The following LRP6 variants were observed in gnomAD, a reference collection of about 807,000 sequenced individuals.
The protein encoded by LRP6 is low-density lipoprotein receptor-related protein 6.
LRP6 carries 43 observed loss-of-function variants against 184.1 expected under a neutral mutation model. The observed-to-expected ratio is 0.23, with a 90% CI of 0.18 to 0.30. The LOEUF is 0.30. Ranked by LOEUF, LRP6 falls within the 10% of genes least tolerant of loss-of-function variation. The probability of loss-of-function intolerance (pLI) is 1.00; values close to 1 mark genes in which losing one functional copy is unlikely to be tolerated. For missense variants in LRP6, 1,571 were observed against 2,005.3 expected (o/e 0.78, Z 4.14); for synonymous variants, 719 against 684.9 (o/e 1.05, Z -0.78).
At chr12:12,237,339 G>C (rs1328461600) in intron 2 of LRP6, among the ~76,000 whole-genome samples, 1 of 152,172 alleles carries the variant, frequency 6.6e-6, no homozygotes, top group Non-Finnish European at 1.5e-5. Context: ...CGTTAAGGTA[G>C]AAAGCTAATA....
At chr12:12,242,700 C>T (rs1472932174) in intron 2 of LRP6, among the ~76,000 whole-genome samples, 1 of 152,218 alleles carries the variant, frequency 6.6e-6, no homozygotes, top group Non-Finnish European at 1.5e-5. Context: ...AGAGCCACTA[C>T]AATATTTCCT....
intron 12 of LRP6, among the ~76,000 whole-genome samples, chr12:12,152,390 G>A (rs902002347): frequency 2.6e-5 from 4 of 152,088 alleles, no homozygotes; most frequent in East Asian, 1.9e-4. Flanking sequence ...AGGTTCAAGC[G>A]ATTCTCCTGC....
At chr12:12,138,124 T>C (rs1591875173) in intron 16 of LRP6, among the ~76,000 whole-genome samples, 1 of 151,166 alleles carries the variant, frequency 6.6e-6, no homozygotes, top group East Asian at 1.9e-4. Flanking sequence ...TGAGCCAAGA[T>C]CGTGACACTG....
In LRP6 at chr12:12,138,324, C is replaced by T. The variant is rs779534980; in HGVS notation, c.3607+1G>A. The T allele has an allele frequency of 6.2e-7, 1 of 1,611,040 alleles. No individual in the cohort carries two copies. The highest frequency in any genetic ancestry group is 2.2e-5 in the East Asian group (1 of 44,872). ...ATTAGCTTTATCCCATTAACACTTA[C>T]TGTATTCTTGAAGGTTCAGCTCCTT... On this transcript the variant is annotated splice_donor_variant, in intron 16 of 22. Transcript: ENST00000261349. LOFTEE classifies it high-confidence loss of function.
At chr12:12,177,004 C>T (rs1047398396) in intron 7 of LRP6, among the ~76,000 whole-genome samples, 2 of 151,914 alleles carry the variant, frequency 1.3e-5, no homozygotes, top group Non-Finnish European at 2.9e-5. Context: ...CCCGCCACCA[C>T]GCCCAGCTAA....
chr12:12,156,392 A>G (rs909493285), intron 12 of LRP6, among the ~76,000 whole-genome samples: 4 of 152,168 alleles, frequency 2.6e-5, no homozygotes, highest in African/African-American at 9.6e-5. Context: ...AAGAGAGACA[A>G]GAGTAAAAGC....
intron 2 of LRP6, among the ~76,000 whole-genome samples, chr12:12,235,581 T>G (rs895573505): frequency 1.3e-5 from 2 of 151,526 alleles, no homozygotes; most frequent in African/African-American, 4.8e-5. Context: ...AAAAACAAAA[T>G]TAGCCAGGCA....
chr12:12,176,865 T>TA lies in LRP6; in HGVS notation c.1545+2944dup, dbSNP rs1491167408. On this transcript the variant is annotated intron_variant, in intron 7 of 22. Coordinates refer to ENST00000261349, the MANE Select transcript of LRP6 (RefSeq NM_002336.3). ...AAACTTTTTTTTTTTTTTTTTTTTT[T>TA]AGACAGAGTCTTGTTCTTGTCCCCC... is the stretch of plus-strand genomic sequence containing the variant. Among the ~76,000 whole-genome samples, 18 of 106,142 alleles carry TA rather than the reference T, an allele frequency of 1.7e-4. No homozygotes were observed. In the East Asian group the frequency reaches 5.6e-3, roughly 33 times the overall value. The allele number at this position is 106,142 out of a possible 152,430, so 69.6% of individuals were successfully genotyped here.
chr12:12,208,037 G>A (rs950137951), intron 2 of LRP6, among the ~76,000 whole-genome samples: 8 of 152,066 alleles, frequency 5.3e-5, no homozygotes, highest in African/African-American at 1.2e-4. Flanking sequence ...CCCAGGGAGC[G>A]GTCAGAATCC....
Position 12,164,386 on chromosome 12 carries a change from G to C in LRP6, c.1939C>G (p.Leu647Val), listed in dbSNP as rs1862818710. 6.2e-7 allele frequency: 1 copy of C among 1,614,022 alleles called. No homozygotes were observed. The highest frequency in any genetic ancestry group is 1.1e-5 in the South Asian group (1 of 91,074). Reference protein sequence around the residue: ...SRRADIRRISLETNNNNVAIP... With the variant: ...SRRADIRRISVETNNNNVAIP... ...GCCACATTATTATTGTTTGTTTCCA[G>C]AGAAATTCGTCTGATATCTGCTCTC... Residue 647 changes from leucine (L) to valine (V), a missense_variant, in exon 9 of 23, where the codon CTG becomes GTG. Leu to Val is a conservative substitution (Grantham distance 32). Around this residue, in one of 4 missense-constraint regions of LRP6, gnomAD observed 640 missense variants for 851.9 expected, o/e 0.75. Coordinates refer to ENST00000261349, the MANE Select transcript of LRP6 (RefSeq NM_002336.3).
At chr12:12,196,102 A>T (rs764891079) in intron 3 of LRP6, among the ~76,000 whole-genome samples, 1 of 151,986 alleles carries the variant, frequency 6.6e-6, no homozygotes, top group African/African-American at 2.4e-5. Flanking sequence ...ACTTTGTGGT[A>T]TATTTTGAAG....
At chr12:12,210,752 C>T (rs1864187239) in intron 2 of LRP6, 1 of 152,174 alleles carries the variant, frequency 6.6e-6, no homozygotes, top group Non-Finnish European at 1.5e-5. Context: ...AAATCACATA[C>T]ATCATTATCA....
chr12:12,244,893 A>G (rs2135918592), intron 1 of LRP6, among the ~76,000 whole-genome samples: 1 of 152,360 alleles, frequency 6.6e-6, no homozygotes, highest in South Asian at 2.1e-4. Context: ...TCTTGTTAAA[A>G]TAACTCAGAT....
intron 19 of LRP6, 137 bp downstream of exon 19, chr12:12,130,646 C>A (rs1949738682): frequency 1.6e-6 from 1 of 639,646 alleles, no homozygotes; most frequent in East Asian, 2.8e-5. Context: ...CATAAAAAAA[C>A]CTTCACACAA....
intron 15 of LRP6, among the ~76,000 whole-genome samples, chr12:12,141,294 T>C (rs1188985040): frequency 2.0e-5 from 3 of 152,006 alleles, no homozygotes; most frequent in Non-Finnish European, 4.4e-5. Context: ...AAAGAACATG[T>C]TAAAAGCTTC....
At chr12:12,255,547 T>C (rs908046726) in intron 1 of LRP6, among the ~76,000 whole-genome samples, 3 of 151,836 alleles carry the variant, frequency 2.0e-5, no homozygotes, top group African/African-American at 7.3e-5. Context: ...AGCTTTGTTT[T>C]TGCTTTTGGG....
chr12:12,160,252 C>T (rs1449172118), intron 10 of LRP6, among the ~76,000 whole-genome samples: 11 of 152,170 alleles, frequency 7.2e-5, no homozygotes, highest in African/African-American at 2.7e-4. Flanking sequence ...TATTGCAGTA[C>T]TGGCATTTGT....
chr12:12,215,155 A>C (rs1363340239), intron 2 of LRP6, among the ~76,000 whole-genome samples: 1 of 152,128 alleles, frequency 6.6e-6, no homozygotes, highest in African/African-American at 2.4e-5. Context: ...TGTTTTGGTA[A>C]CTCATTTTTA....
In LRP6 at chr12:12,162,406, G is replaced by A; in HGVS notation, c.2066C>T (p.Ala689Val). 1 of 1,613,786 alleles carries A rather than the reference G, an allele frequency of 6.2e-7. No homozygotes were observed. Among genetic ancestry groups the A allele is most frequent in the South Asian group, 1.1e-5 (1 of 91,068 alleles). Reference protein sequence around the residue: ...TDISLKTISRAFMNGSALEHV... With the variant: ...TDISLKTISRVFMNGSALEHV... ...TTCCAGTGCACTGCCATTCATAAAG[G>A]CTCTGCTGATGGTCTGCAAAAGAAC... is the stretch of plus-strand genomic sequence containing the variant. The change falls in exon 10 of 23, where the codon GCC (alanine) becomes GTC (valine). Residue 689 changes from alanine to valine, a missense_variant. Ala to Val is a moderately conservative substitution (Grantham distance 64, BLOSUM62 0). Transcript: ENST00000261349.
Sources: allele counts gnomAD v4.1 joint callset (sites outside exome capture counted in the v4.1 genomes callset), GRCh38; gene constraint gnomAD v4.1.1; regional missense constraint gnomAD v4.1.1; transcripts MANE v1.5; gene names NCBI Gene and HGNC (gene_info 2026-07-23, HGNC 2026-07-21).